ABCC5: variants seen among roughly 807,000 people sequenced by gnomAD.
ABCC5 encodes ATP-binding cassette sub-family C member 5.
In ABCC5, 61 loss-of-function variants were observed where a neutral mutation model predicts 160.9. The observed-to-expected ratio is 0.38, with a 90% CI of 0.31 to 0.47. The LOEUF is 0.47. Among genes scored for constraint, ABCC5 ranks in the 20% least tolerant of loss-of-function variants. The pLI, the probability that ABCC5 is intolerant of heterozygous loss-of-function variation, is 0.99. For synonymous variants in ABCC5, 666 were observed against 700.6 expected (o/e 0.95, Z 0.78); for missense variants, 1,308 against 1,813.3 (o/e 0.72, Z 5.06).
chr3:184,010,586 G>A (rs1417127789), intron 2 of ABCC5: 1 of 152,530 alleles, frequency 6.6e-6, no homozygotes, highest in African/African-American at 2.4e-5. Context: ...AATTTCACAG[G>A]ACCACACACC....
chr3:183,971,409 T>G (rs945004022), intron 11 of ABCC5, among the ~76,000 whole-genome samples, 154 bp downstream of exon 11: 2 of 152,208 alleles, frequency 1.3e-5, no homozygotes, highest in African/African-American at 4.8e-5. Context: ...AGTTGGTTTT[T>G]TTTTAGAGTT....
chr3:184,007,697 T>A (rs1332191959), intron 2 of ABCC5, among the ~76,000 whole-genome samples: 1 of 152,000 alleles, frequency 6.6e-6, no homozygotes, highest in Non-Finnish European at 1.5e-5. Context: ...TGTGGTTGCA[T>A]GTGCCTGTAA....
At chr3:183,934,639 C>G (rs531590420) in intron 26 of ABCC5, among the ~76,000 whole-genome samples, 2 of 152,298 alleles carry the variant, frequency 1.3e-5, no homozygotes, top group Admixed American at 6.5e-5. Flanking sequence ...CTACCCACAC[C>G]AGCTGCACGC....
chr3:183,957,294 A>G (rs1349048018), intron 17 of ABCC5, among the ~76,000 whole-genome samples: 1 of 108,180 alleles, frequency 9.2e-6, no homozygotes, highest in Non-Finnish European at 2.0e-5. Context: ...CATCAGTTAC[A>G]TGCGGATCCG....
At chr3:183,991,634 G>A (rs904799120) in intron 2 of ABCC5, among the ~76,000 whole-genome samples, 1 of 152,156 alleles carries the variant, frequency 6.6e-6, no homozygotes, top group Non-Finnish European at 1.5e-5. Flanking sequence ...CTTTCCTTTT[G>A]TCAAAGGCAA....
intron 17 of ABCC5, among the ~76,000 whole-genome samples, chr3:183,958,555 C>A (rs1716438832): frequency 6.6e-6 from 1 of 152,068 alleles, no homozygotes; most frequent in Non-Finnish European, 1.5e-5. Flanking sequence ...AATCTCATAC[C>A]TGAATTCAAA....
chr3:183,957,495 C>T (rs1409014355), intron 17 of ABCC5, among the ~76,000 whole-genome samples: 5 of 146,954 alleles, frequency 3.4e-5, no homozygotes, highest in Admixed American at 6.8e-5. Flanking sequence ...CATGCGGATC[C>T]GTGTGTAAAT....
At chr3:183,992,420 C>T (rs1719848624) in intron 2 of ABCC5, among the ~76,000 whole-genome samples, 2 of 152,294 alleles carry the variant, frequency 1.3e-5, no homozygotes, top group East Asian at 1.9e-4. Flanking sequence ...GAAACCAGAA[C>T]ATATTCTGTG....
At chr3:183,994,872 T>TTTTC (rs1216126425) in intron 2 of ABCC5, among the ~76,000 whole-genome samples, 1 of 151,752 alleles carries the variant, frequency 6.6e-6, no homozygotes, top group South Asian at 2.1e-4. Context: ...TTTTTTTTTT[T>TTTTC]TTAAGACAAG....
At chr3:183,991,167 C>A (rs1020475920) in intron 2 of ABCC5, among the ~76,000 whole-genome samples, 3 of 151,878 alleles carry the variant, frequency 2.0e-5, no homozygotes, top group African/African-American at 7.3e-5. Context: ...CATGGTGATG[C>A]GTGCCTGCAG....
chr3:183,993,571 T>C (rs1479983031), intron 2 of ABCC5, among the ~76,000 whole-genome samples: 2 of 151,998 alleles, frequency 1.3e-5, no homozygotes, highest in Admixed American at 6.6e-5. Context: ...TTTTATCTCA[T>C]GGAAGACATT....
At chr3:184,009,102 C>T (rs965688833) in intron 2 of ABCC5, among the ~76,000 whole-genome samples, 2 of 152,094 alleles carry the variant, frequency 1.3e-5, no homozygotes, top group Admixed American at 6.6e-5. Flanking sequence ...CAGGCTCAAG[C>T]GAGCCTCCTC....
intron 17 of ABCC5, among the ~76,000 whole-genome samples, chr3:183,957,622 C>G (rs1319124895): frequency 6.6e-6 from 1 of 151,420 alleles, no homozygotes; most frequent in Non-Finnish European, 1.5e-5. Flanking sequence ...ACATGCAGAT[C>G]CATGTGTAAA....
chr3:183,966,275 C>G (rs1242749445), intron 12 of ABCC5, among the ~76,000 whole-genome samples: 1 of 152,208 alleles, frequency 6.6e-6, no homozygotes, highest in Non-Finnish European at 1.5e-5. Flanking sequence ...GGTGTACCTA[C>G]GTACACCACA....
intron 2 of ABCC5, among the ~76,000 whole-genome samples, chr3:184,007,016 CTTTTTTTTTTTT>C (rs376229755): frequency 1.9e-3 from 153 of 81,172 alleles, no homozygotes; most frequent in Non-Finnish European, 2.8e-3. Flanking sequence ...TTTACTTCTG[CTTTTTTTTTTTT>C]TTTTTTTTTT....
At chr3:183,997,546 C>A (rs1331111174) in intron 2 of ABCC5, among the ~76,000 whole-genome samples, 1 of 152,142 alleles carries the variant, frequency 6.6e-6, no homozygotes, top group Non-Finnish European at 1.5e-5. Context: ...ACCTATACCA[C>A]CACAGCCCAA....
At position 184,017,855 on chromosome 3, in the gene ABCC5, C is replaced by G. The variant is rs994003106; in HGVS notation, c.-81G>C. ...CTGCGCCCCTGCTCCAGGACAACCGCGCCAGCCGCTCAACCACGCTCCCGA... is the reference window on the plus strand; with the variant it reads ...CTGCGCCCCTGCTCCAGGACAACCGGGCCAGCCGCTCAACCACGCTCCCGA... On this transcript the variant is annotated 5_prime_UTR_variant, in exon 1 of 30. Coordinates refer to ENST00000334444, the MANE Select transcript of ABCC5 (RefSeq NM_005688.4). The surrounding 1 kb of genome is among the most constrained non-coding windows in gnomAD (Gnocchi z 4.5). 2 of 152,614 alleles carry G rather than the reference C, an allele frequency of 1.3e-5. No individual in the cohort carries two copies. Among genetic ancestry groups the G allele is most frequent in the East Asian group, 1.9e-4 (1 of 5,192 alleles). 9.5% of individuals were successfully genotyped at this position (152,614 alleles called of 1,614,324 possible).
intron 2 of ABCC5, among the ~76,000 whole-genome samples, chr3:184,002,412 A>G (rs1720821978): frequency 1.4e-5 from 2 of 141,628 alleles, no homozygotes; most frequent in South Asian, 4.1e-4. Flanking sequence ...AAAAAAAAAA[A>G]GAGAAAAACA....
chr3:183,990,243 G>A (rs1217795381), intron 2 of ABCC5, among the ~76,000 whole-genome samples: 1 of 151,634 alleles, frequency 6.6e-6, no homozygotes. Context: ...GAGTAGGGGG[G>A]TTACAGGCGT....
Sources: gnomAD v4.1 joint callset for allele counts (sites outside exome capture counted in the v4.1 genomes callset) on GRCh38, gnomAD v4.1.1 for gene constraint, Gnocchi (gnomAD v3.1) non-coding constraint, MANE v1.5 for transcripts, NCBI Gene and HGNC (gene_info 2026-07-23, HGNC 2026-07-21) for gene names.